The following USP6NL variants were observed in gnomAD, a reference collection of about 807,000 sequenced individuals.
The protein encoded by USP6NL is USP6 N-terminal-like protein.
Under a neutral mutation model 61.9 loss-of-function variants are expected in USP6NL, and 26 were observed. The ratio of observed to expected loss-of-function variants is 0.42; its 90% CI spans 0.31 to 0.58. The LOEUF (loss-of-function observed/expected upper bound fraction) is 0.58, where lower values mean the gene tolerates loss of function less well. USP6NL is among the 20% of genes least tolerant of loss of function. The probability of loss-of-function intolerance (pLI) is 0.16; values close to 1 mark genes in which losing one functional copy is unlikely to be tolerated. For missense variants in USP6NL, 1,114 were observed against 1,034.3 expected, an observed-to-expected ratio of 1.08 and a Z score of -1.06; for synonymous variants, 432 against 390.1, an observed-to-expected ratio of 1.11 and a Z score of -1.27.
At chr10:11,565,875 A>C (rs1388735145) in intron 2 of USP6NL, among the ~76,000 whole-genome samples, 1 of 152,080 alleles carries the variant, frequency 6.6e-6, no homozygotes, top group African/African-American at 2.4e-5. Flanking sequence ...TACTTGAACA[A>C]ACGTAGTTTT....
rs375135636 is a variant in USP6NL, at chr10:11,470,986, C to G, written c.1079-7137G>C. The stretch of plus-strand genomic sequence containing the variant: ...GGATCACGAGGTCAGGAGATGGAGA[C>G]CATCCCGGCCAACATGGTGAAACCC... On this transcript the variant is annotated intron_variant, in intron 14 of 14. Transcript: ENST00000609104. The surrounding 1 kb of genome is among the most constrained non-coding windows in gnomAD (Gnocchi z 5.4). 1.2e-4 allele frequency among the ~76,000 whole-genome samples: 19 copies of G among 152,248 alleles called. 1 individual carries two copies. Among genetic ancestry groups the G allele is most frequent in the African/African-American group, 4.6e-4 (19 of 41,548 alleles).
intron 2 of USP6NL, among the ~76,000 whole-genome samples, chr10:11,529,126 G>A (rs1000582099): frequency 1.6e-4 from 25 of 151,856 alleles, no homozygotes; most frequent in African/African-American, 4.8e-4. Context: ...GAATCTTTAA[G>A]CCAAATATAG....
intron 2 of USP6NL, among the ~76,000 whole-genome samples, chr10:11,560,319 T>C (rs1380152481): frequency 6.6e-6 from 1 of 151,960 alleles, no homozygotes; most frequent in East Asian, 1.9e-4. Context: ...CATAAGAAAA[T>C]CAAGGATCAG....
intron 2 of USP6NL, among the ~76,000 whole-genome samples, chr10:11,535,992 G>A (rs1835817132): frequency 6.6e-6 from 1 of 152,174 alleles, no homozygotes; most frequent in Non-Finnish European, 1.5e-5. Context: ...AATGCTCAGA[G>A]GAGGAATGAG....
In USP6NL at chr10:11,469,505, T is replaced by C. The variant is rs560280045; in HGVS notation, c.1079-5656A>G. Among the ~76,000 whole-genome samples, 6 of 152,352 alleles carry C rather than the reference T, an allele frequency of 3.9e-5. No individual in the cohort carries two copies. In the East Asian group the frequency reaches 1.2e-3, roughly 29 times the overall value. On this transcript the variant is annotated intron_variant, in intron 14 of 14. Coordinates refer to ENST00000609104, the MANE Select transcript of USP6NL (RefSeq NM_014688.5). ...CTGCCTCTAATCCATTCCTAAATGA[T>C]AACCTCTCTTTAGGAACTACTGTTT...
At position 11,482,212 on chromosome 10, in the gene USP6NL, C is replaced by G. The variant is rs1336748848; in HGVS notation, c.926-290G>C. On this transcript the variant is annotated intron_variant, in intron 13 of 14. Coordinates refer to ENST00000609104, the MANE Select transcript of USP6NL (RefSeq NM_014688.5). This position sits in a 1 kb window ranked among gnomAD's most constrained non-coding sequence, Gnocchi z 4.0. ...ACCACACCTAGGCATTAGTATTACCCCAGAGCAAGAGCTTCTTAGAGACAG... is the reference window on the plus strand; with the variant it reads ...ACCACACCTAGGCATTAGTATTACCGCAGAGCAAGAGCTTCTTAGAGACAG... Among the ~76,000 whole-genome samples the G allele has an allele frequency of 6.6e-6, 1 of 152,084 alleles. No homozygotes were observed. The highest frequency in any genetic ancestry group is 1.5e-5 in the Non-Finnish European group (1 of 68,004).
intron 2 of USP6NL, among the ~76,000 whole-genome samples, chr10:11,568,904 GAA>G (rs1375538071): frequency 6.6e-6 from 1 of 152,092 alleles, no homozygotes; most frequent in Non-Finnish European, 1.5e-5. Context: ...TACATCTTAA[GAA>G]AGAGAGTTCA....
In USP6NL at chr10:11,600,520, C is replaced by T. The variant is rs909665429; in HGVS notation, c.-83-2803G>A. On this transcript the variant is annotated intron_variant, in intron 1 of 14. Transcript: ENST00000609104. The surrounding 1 kb of genome is among the most constrained non-coding windows in gnomAD (Gnocchi z 4.1). ...TTGCAGTCGTTACACAGCATTATTA[C>T]AGCCAAAGATGACTAATACAGACAG... Among the ~76,000 whole-genome samples the T allele has an allele frequency of 6.6e-5, 10 of 152,272 alleles. No individual in the cohort carries two copies. The highest frequency in any genetic ancestry group is 2.6e-4 in the Admixed American group (4 of 15,300).
intron 5 of USP6NL, among the ~76,000 whole-genome samples, chr10:11,514,496 T>C (rs1005252942): frequency 2.0e-5 from 3 of 152,230 alleles, no homozygotes; most frequent in African/African-American, 4.8e-5. Flanking sequence ...ATTATCATCA[T>C]TATTCTTTTT....
intron 4 of USP6NL, among the ~76,000 whole-genome samples, chr10:11,523,544 G>C (rs1411524729): frequency 6.6e-6 from 1 of 152,134 alleles, no homozygotes; most frequent in South Asian, 2.1e-4. Context: ...ACAAGGGTGT[G>C]TTTAAATGTT....
At chr10:11,557,150 T>C (rs1016302571) in intron 2 of USP6NL, among the ~76,000 whole-genome samples, 1 of 152,242 alleles carries the variant, frequency 6.6e-6, no homozygotes, top group Non-Finnish European at 1.5e-5. Context: ...TTCTGTTTTC[T>C]AAACTTCTAA....
chr10:11,550,999 G>A (rs1423743251), intron 2 of USP6NL, among the ~76,000 whole-genome samples: 1 of 152,098 alleles, frequency 6.6e-6, no homozygotes, highest in Non-Finnish European at 1.5e-5. Flanking sequence ...CTAAGGATAT[G>A]GAGCATCTAG....
intron 2 of USP6NL, among the ~76,000 whole-genome samples, chr10:11,543,805 T>TTTTG (rs1566170175): frequency 2.7e-5 from 3 of 110,102 alleles, no homozygotes; most frequent in African/African-American, 1.1e-4. Flanking sequence ...ATATTTAGGT[T>TTTTG]TTTTTTTTTT....
intron 6 of USP6NL, among the ~76,000 whole-genome samples, chr10:11,501,911 G>T (rs7086196): frequency 6.6e-6 from 1 of 151,896 alleles, no homozygotes; most frequent in African/African-American, 2.4e-5. Flanking sequence ...CAAAAACAAC[G>T]ATAAATCTTC....
Position 11,489,445 on chromosome 10 carries a change from T to A in USP6NL, c.544-223A>T, listed in dbSNP as rs1237417742. On this transcript the variant is annotated intron_variant, in intron 9 of 14. Transcript: ENST00000609104. This position sits in a 1 kb window ranked among gnomAD's most constrained non-coding sequence, Gnocchi z 5.7. ...GGTACAAAGTCTAAATTGCTACATA[T>A]TTTTATTGGACTCGGTCTTCAATAC... Among the ~76,000 whole-genome samples, 2 of 152,240 alleles carry A rather than the reference T, an allele frequency of 1.3e-5. No homozygotes were observed. Among genetic ancestry groups the A allele is most frequent in the Admixed American group, 6.5e-5 (1 of 15,290 alleles).
chr10:11,498,982 C>T (rs993733876), intron 7 of USP6NL, among the ~76,000 whole-genome samples: 2 of 152,204 alleles, frequency 1.3e-5, no homozygotes, highest in African/African-American at 4.8e-5. Context: ...CATCTTCATA[C>T]GTTCTTCAAT....
In USP6NL at chr10:11,554,961, G is replaced by A. The variant is rs568171435; in HGVS notation, c.5-27394C>T. Among the ~76,000 whole-genome samples, 810 of 90,442 alleles carry A rather than the reference G, an allele frequency of 9.0e-3. 10 individuals are homozygous for A. The highest frequency in any genetic ancestry group is 0.024 in the African/African-American group (681 of 28,008). The allele number at this position is 90,442 out of a possible 152,430, so 59.3% of individuals were successfully genotyped here. On this transcript the variant is annotated intron_variant, in intron 2 of 14. Coordinates refer to ENST00000609104, the MANE Select transcript of USP6NL (RefSeq NM_014688.5). The stretch of plus-strand genomic sequence containing the variant: ...ACTACAGGTGCCTGCCACCATGCCC[G>A]GCTAATTTTTTTTTTTTTTTTTTTA...
Position 11,496,290 on chromosome 10 carries a change from A to G in USP6NL, c.385-3062T>C, listed in dbSNP as rs945385307. On this transcript the variant is annotated intron_variant, in intron 7 of 14. Transcript: ENST00000609104. The surrounding 1 kb of genome is among the most constrained non-coding windows in gnomAD (Gnocchi z 5.4). ...CACTTCTGTGTTTAGCTTCACCTCC[A>G]CTTCCAGAGGTTCCTGCAGTTGGCA... 6.6e-6 allele frequency among the ~76,000 whole-genome samples: 1 copy of G among 152,174 alleles called. No homozygotes were observed. Among genetic ancestry groups the G allele is most frequent in the African/African-American group, 2.4e-5 (1 of 41,440 alleles).
At chr10:11,471,457 C>T (rs1221275635) in intron 14 of USP6NL, among the ~76,000 whole-genome samples, 1 of 152,052 alleles carries the variant, frequency 6.6e-6, no homozygotes, top group African/African-American at 2.4e-5. Context: ...ACCATTTGAC[C>T]CAGCCATCCC....
Sources: gnomAD v4.1 joint callset for allele counts (sites outside exome capture counted in the v4.1 genomes callset) on GRCh38, gnomAD v4.1.1 for gene constraint, Gnocchi (gnomAD v3.1) non-coding constraint, MANE v1.5 for transcripts, NCBI Gene and HGNC (gene_info 2026-07-23, HGNC 2026-07-21) for gene names.